ACTN2: variants seen among roughly 807,000 people sequenced by gnomAD.
ACTN2 encodes the protein actinin alpha 2.
In ACTN2, 39 loss-of-function variants were observed where a neutral mutation model predicts 113.8. The ratio of observed to expected loss-of-function variants is 0.34; its 90% confidence interval spans 0.27 to 0.45. The LOEUF (loss-of-function observed/expected upper bound fraction) is 0.45. Among genes scored for constraint, ACTN2 ranks in the 20% least tolerant of loss-of-function variants. The probability of loss-of-function intolerance (pLI) is 1.00; values close to 1 mark genes in which losing one functional copy is unlikely to be tolerated. For missense variants in ACTN2, 992 were observed against 1,177.9 expected (o/e 0.84, Z 2.31); for synonymous variants, 429 against 444.1 (o/e 0.97, Z 0.43).
At chr1:236,737,067 G>A in intron 8 of ACTN2, 55 bp from the exon 9 acceptor site, 1 of 1,442,276 alleles carries the variant, frequency 6.9e-7, no homozygotes, top group South Asian at 1.2e-5. Flanking sequence ...GTTCCATGCT[G>A]TGTGTGCGCA....
rs753014466 is a variant in ACTN2 at position 236,761,074 on chromosome 1, C to A, written c.2427C>A (p.Val809=). 6.2e-7 allele frequency: 1 copy of A among 1,614,204 alleles called. No homozygotes were observed. Among genetic ancestry groups the A allele is most frequent in the Non-Finnish European group, 8.5e-7 (1 of 1,180,030 alleles). Residue 809 remains valine, a synonymous_variant, in exon 20 of 21, where the codon GTC becomes GTA. Transcript: ENST00000366578. The part of the protein sequence containing the change: ...TLVDPNGQGT[V]TFQSFIDFMT... ...TAGATCCCAACGGGCAAGGCACCGT[C>A]ACCTTCCAATCCTTCATCGACTTCA... is the stretch of plus-strand genomic sequence containing the variant.
intron 1 of ACTN2, among the ~76,000 whole-genome samples, chr1:236,715,438 C>T (rs1370049709): frequency 6.6e-6 from 1 of 151,534 alleles, no homozygotes; most frequent in Admixed American, 6.6e-5. Flanking sequence ...CTTCAAAAAA[C>T]AAAACTTAAT....
rs768039030 is a variant in ACTN2 at position 236,734,408 on chromosome 1, G to A, written c.698-1227G>A. Reference sequence around the variant, plus strand: ...CCTGCTGGTATTAGAACATCCACGCGGTTAACCTTCTTTTCTCCACACAGA... The same window carrying A: ...CCTGCTGGTATTAGAACATCCACGCAGTTAACCTTCTTTTCTCCACACAGA... On this transcript the variant is annotated intron_variant, in intron 7 of 20. Coordinates refer to ENST00000366578, the MANE Select transcript of ACTN2 (RefSeq NM_001103.4). The A allele has an allele frequency of 3.6e-5, 54 of 1,498,280 alleles. 1 individual carries two copies. The South Asian group carries it at 4.4e-4, about 12-fold the overall frequency. 92.8% of individuals were successfully genotyped at this position (1,498,280 alleles called of 1,614,324 possible).
Position 236,709,220 on chromosome 1 carries a change from GTATATATATATA to G in ACTN2, c.127-8613_127-8602del, listed in dbSNP as rs758619189. Among the ~76,000 whole-genome samples, 191 of 66,848 alleles carry G rather than the reference GTATATATATATA, an allele frequency of 2.9e-3. 4 individuals are homozygous for G. The East Asian group carries it at 0.045, about 16-fold the overall frequency. 43.9% of individuals were successfully genotyped at this position (66,848 alleles called of 152,430 possible). ...ATAAAGCTGATCATGACAAATGACTGTATATATATATATATATATATATATATATATATATAC... is the reference window on the plus strand; with the variant it reads ...ATAAAGCTGATCATGACAAATGACTGTATATATATATATATATATATATAC... On this transcript the variant is annotated intron_variant, in intron 1 of 20. Transcript: ENST00000366578.
intron 1 of ACTN2, among the ~76,000 whole-genome samples, chr1:236,694,259 G>C (rs1363242825): frequency 8.5e-6 from 1 of 117,138 alleles, no homozygotes; most frequent in Non-Finnish European, 1.7e-5. Context: ...CACTGTCGTT[G>C]CCCGGGCTGG....
chr1:236,757,347 T>G, intron 17 of ACTN2, 139 bp from the exon 18 acceptor site: 1 of 1,104,688 alleles, frequency 9.1e-7, no homozygotes, highest in Non-Finnish European at 1.3e-6. Flanking sequence ...AAGTAGAATT[T>G]TTTTTCAAGT....
intron 4 of ACTN2, 142 bp downstream of exon 4, chr1:236,720,333 A>G (rs1001990411): frequency 3.0e-5 from 22 of 723,910 alleles, no homozygotes; most frequent in Non-Finnish European, 3.2e-5. Flanking sequence ...TAAATTTTGT[A>G]TGTGTATAGG....
chr1:236,700,446 T>C (rs1657639301), intron 1 of ACTN2, among the ~76,000 whole-genome samples: 1 of 152,162 alleles, frequency 6.6e-6, no homozygotes. Flanking sequence ...GGGAGGCCTG[T>C]ATATGTGGGT....
chr1:236,715,126 C>T (rs1193542636), intron 1 of ACTN2, among the ~76,000 whole-genome samples: 3 of 151,242 alleles, frequency 2.0e-5, no homozygotes, highest in Non-Finnish European at 4.4e-5. Context: ...TTTCTTTGAA[C>T]CCTTTCGTAC....
chr1:236,753,865 C>CCTGGACTA, intron 15 of ACTN2, 82 bp from the exon 16 acceptor site: 1 of 1,394,010 alleles, frequency 7.2e-7, no homozygotes, highest in South Asian at 1.1e-5. Flanking sequence ...ACCCCCACCC[C>CCTGGACTA]TTGGACTATT....
intron 2 of ACTN2, 34 bp from the exon 3 acceptor site, chr1:236,718,860 T>A (rs1367055599): frequency 6.2e-7 from 1 of 1,614,144 alleles, no homozygotes; most frequent in South Asian, 1.1e-5. Flanking sequence ...GGTCACTGTC[T>A]CTATGTCTGC....
rs143566058 is a variant in ACTN2 at position 236,743,024 on chromosome 1, G to A, written c.1236G>A (p.Thr412=). The A allele has an allele frequency of 3.7e-6, 6 of 1,614,138 alleles. No individual in the cohort carries two copies. Among genetic ancestry groups the A allele is most frequent in the South Asian group, 3.3e-5 (3 of 91,072 alleles). ...LAEKFRQKAS[T]HETWAYGKEQ... ...AGAAGTTCAGGCAGAAGGCCTCAACGCACGAGACTTGGGCTTATGGTAAGT... is the reference window on the plus strand; with the variant it reads ...AGAAGTTCAGGCAGAAGGCCTCAACACACGAGACTTGGGCTTATGGTAAGT... The change falls in exon 11 of 21, where the codon ACG becomes ACA. Residue 412 remains threonine, a synonymous_variant. Coordinates refer to ENST00000366578, the MANE Select transcript of ACTN2 (RefSeq NM_001103.4).
chr1:236,686,821 G>GCCCGCGCGTGGTGGGGCCGGGT, intron 1 of ACTN2, 22 bp downstream of exon 1: 1 of 1,457,070 alleles, frequency 6.9e-7, no homozygotes, highest in Non-Finnish European at 9.1e-7. Flanking sequence ...CCCGCGGGCC[G>GCCCGCGCGTGGTGGGGCCGGGT]CCCGCGCGTG....
At chr1:236,718,866 T>C (rs750239412) in intron 2 of ACTN2, 28 bp from the exon 3 acceptor site, 62 of 1,614,022 alleles carry the variant, frequency 3.8e-5, no homozygotes, top group African/African-American at 5.3e-5. Context: ...TGTCTCTATG[T>C]CTGCATGATT....
rs1224937266 is a variant in ACTN2, at chr1:236,689,357, T to TA, written c.126+2558_126+2559insA. ...TATATATACACACACATATGTATAT[T>TA]TTATATATATATATAAAATATGTAA... is the stretch of plus-strand genomic sequence containing the variant. On this transcript the variant is annotated intron_variant, in intron 1 of 20. Transcript: ENST00000366578. Among the ~76,000 whole-genome samples, 262 of 143,368 alleles carry TA rather than the reference T, an allele frequency of 1.8e-3. 2 individuals carry two copies. Among genetic ancestry groups the TA allele is most frequent in the Middle Eastern group, 7.3e-3 (2 of 274 alleles). 94.1% of individuals were successfully genotyped at this position (143,368 alleles called of 152,430 possible).
chr1:236,733,991 TG>T (rs1237591273), intron 7 of ACTN2, among the ~76,000 whole-genome samples: 2 of 152,216 alleles, frequency 1.3e-5, no homozygotes, highest in Non-Finnish European at 2.9e-5. Context: ...CACAAATCTT[TG>T]TTTGAGGTGC....
chr1:236,735,729 C>T lies in ACTN2; in HGVS notation c.783+9C>T. 1 of 1,612,834 alleles carries T rather than the reference C, an allele frequency of 6.2e-7. No individual in the cohort carries two copies. The highest frequency in any genetic ancestry group is 8.5e-7 in the Non-Finnish European group (1 of 1,178,828). The stretch of plus-strand genomic sequence containing the variant: ...TTGCGGGCGCGGAGCAGGTACTCAA[C>T]ACTTGTCCGTCCGGGCTGTTGTGTT... On this transcript the variant is annotated intron_variant, in intron 8 of 20. Transcript: ENST00000366578.
intron 12 of ACTN2, among the ~76,000 whole-genome samples, chr1:236,746,039 A>G (rs1028127388): frequency 8.6e-5 from 13 of 151,528 alleles, no homozygotes; most frequent in East Asian, 2.0e-4. Context: ...GGTGGCGGGC[A>G]CCTGTAGTCC....
chr1:236,709,255 T>C (rs4659463), intron 1 of ACTN2, among the ~76,000 whole-genome samples: 20,124 of 67,960 alleles, frequency 0.3, 3,597 homozygotes, highest in Non-Finnish European at 0.38. Context: ...TATATATATA[T>C]ACACACACAC....
Sources: gnomAD v4.1 joint callset for allele counts (sites outside exome capture counted in the v4.1 genomes callset) on GRCh38, gnomAD v4.1.1 for gene constraint, MANE v1.5 for transcripts, NCBI Gene and HGNC (gene_info 2026-07-23, HGNC 2026-07-21) for gene names.